Variants in CD109 observed in about 807,000 individuals in gnomAD.
CD109 encodes the protein CD109 molecule.
In CD109, 149 loss-of-function variants were observed where a neutral mutation model predicts 165.8. The ratio of observed to expected loss-of-function variants is 0.90; its 90% confidence interval spans 0.79 to 1.03. The LOEUF (loss-of-function observed/expected upper bound fraction) is 1.03. Ranked by LOEUF, CD109 falls within the 50% of genes least tolerant of loss-of-function variation. The pLI, the probability that CD109 is intolerant of heterozygous loss-of-function variation, is 0.00. For missense variants in CD109, 1,712 were observed against 1,677.8 expected (o/e 1.02, Z -0.36); for synonymous variants, 585 against 592.1 (o/e 0.99, Z 0.18).
rs192407013 is a variant in CD109 at position 73,805,752 on chromosome 6, G to C, written c.2961-1092G>C. ...TTAGGGAGTGGTGATGACTCTTAAC[G>C]AGCATGCTGCCTTCAAGCATCTGTT... On this transcript the variant is annotated intron_variant, in intron 24 of 32. Transcript: ENST00000287097. 5.6e-4 allele frequency among the ~76,000 whole-genome samples: 85 copies of C among 152,242 alleles called. 1 individual carries two copies. Among genetic ancestry groups the C allele is most frequent in the African/African-American group, 2.0e-3 (82 of 41,556 alleles).
rs764473267 is a variant in CD109, at chr6:73,723,244, C to T, written c.248-7C>T. 25 of 1,612,120 alleles carry T rather than the reference C, an allele frequency of 1.6e-5. No individual in the cohort carries two copies. The highest frequency in any genetic ancestry group is 2.0e-5 in the Non-Finnish European group (24 of 1,179,520). ...TAACTCTGTTTTCTTTCCTGTTTTC[C>T]TTGTAGGCTCTTTTAAGACACTTAC... is the stretch of plus-strand genomic sequence containing the variant. On this transcript the variant is annotated splice_polypyrimidine_tract_variant and splice_region_variant and intron_variant, in intron 2 of 32. Coordinates refer to ENST00000287097, the MANE Select transcript of CD109 (RefSeq NM_133493.5).
chr6:73,795,510 C>A (rs548721646), intron 23 of CD109, among the ~76,000 whole-genome samples: 64 of 152,136 alleles, frequency 4.2e-4, no homozygotes, highest in Non-Finnish European at 6.8e-4. Context: ...GGTGGCCAAA[C>A]TGTAGTTTTT....
At chr6:73,693,171 T>G (rs1382790760), upstream of CD109, among the ~76,000 whole-genome samples, 1 of 152,186 alleles carries the variant, frequency 6.6e-6, no homozygotes, top group Non-Finnish European at 1.5e-5. Context: ...AAAGTTTACT[T>G]GGCTTACAAT....
intron 25 of CD109, 33 bp downstream of exon 25, chr6:73,807,105 G>T: frequency 6.5e-7 from 1 of 1,544,566 alleles, no homozygotes; most frequent in Non-Finnish European, 8.9e-7. Flanking sequence ...AATGATAGAT[G>T]GGAAATTCAA....
At chr6:73,695,211 A>G (rs1208999602), upstream of CD109, 1 of 152,224 alleles carries the variant, frequency 6.6e-6, no homozygotes, top group African/African-American at 2.4e-5. Flanking sequence ...CTGTTTTCCA[A>G]CAGTTTCTGG....
intron 4 of CD109, 65 bp downstream of exon 4, chr6:73,730,639 C>A: frequency 9.8e-7 from 1 of 1,015,432 alleles, no homozygotes; most frequent in South Asian, 1.5e-5. Context: ...CTGGGAAGTT[C>A]TGCTTGTGTT....
chr6:73,710,420 C>T (rs1771484188), intron 2 of CD109, among the ~76,000 whole-genome samples: 1 of 152,142 alleles, frequency 6.6e-6, no homozygotes, highest in Admixed American at 6.5e-5. Context: ...GAACTACAAA[C>T]CACTGCTCAA....
chr6:73,730,348 C>T lies in CD109; in HGVS notation c.281C>T (p.Pro94Leu). The T allele has an allele frequency of 6.2e-7, 1 of 1,605,976 alleles. No homozygotes were observed. The change falls in exon 4 of 33, where the codon CCT becomes CTT. Residue 94 changes from proline to leucine, a missense_variant. Transcript: ENST00000287097. ...SFKTLTLPSL[P>L]LNSADEIYEL... ...GTGATCTCTTTTTCCCCCCAGCTAC[C>T]TCTGAACAGTGCAGATGAGATTTAT...
chr6:73,735,998 G>C (rs1772527476), intron 4 of CD109, among the ~76,000 whole-genome samples: 1 of 152,058 alleles, frequency 6.6e-6, no homozygotes, highest in Admixed American at 6.6e-5. Flanking sequence ...AAGGAAATAG[G>C]GTGCCAGGAA....
intron 2 of CD109, among the ~76,000 whole-genome samples, chr6:73,703,183 T>A (rs577253028): frequency 5.8e-4 from 88 of 152,368 alleles, no homozygotes; most frequent in Non-Finnish European, 9.8e-4. Flanking sequence ...CCAGAGACCA[T>A]AAGGTTTTCT....
At chr6:73,806,767 G>A in intron 24 of CD109, 77 bp from the exon 25 acceptor site, 1 of 958,120 alleles carries the variant, frequency 1.0e-6, no homozygotes. Context: ...AAAAAGTGTT[G>A]TTGTTTTGCT....
At chr6:73,806,755 G>C (rs1364553647) in intron 24 of CD109, 89 bp from the exon 25 acceptor site, 1 of 853,294 alleles carries the variant, frequency 1.2e-6, no homozygotes, top group African/African-American at 1.7e-5. Context: ...TTCTGATGGG[G>C]GAAAAAGTGT....
chr6:73,685,042 G>A, the CD109 span, among the ~76,000 whole-genome samples: 1 of 150,988 alleles, frequency 6.6e-6, no homozygotes, highest in African/African-American at 2.4e-5. Context: ...TCAGCCTCCC[G>A]AGTAGCTGGG....
Position 73,699,338 on chromosome 6 carries a change from C to T in CD109, c.247+1766C>T, listed in dbSNP as rs376837369. On this transcript the variant is annotated intron_variant, in intron 2 of 32. Transcript: ENST00000287097. ...ATTTTACCTATATAACAAACCTGCA[C>T]GTGTATCCCTGAAACTAAAATAAAA... 1.3e-4 allele frequency among the ~76,000 whole-genome samples: 19 copies of T among 151,860 alleles called. No individual in the cohort carries two copies. In the South Asian group the frequency reaches 1.3e-3, roughly 10 times the overall value.
At chr6:73,812,489 G>C (rs59317828) in intron 29 of CD109, among the ~76,000 whole-genome samples, 3,587 of 152,126 alleles carry the variant, frequency 0.024, 154 homozygotes, top group African/African-American at 0.081. Flanking sequence ...TGTTTGAAAA[G>C]TATTTCTTGG....
Position 73,696,312 on chromosome 6 carries a change from G to A in CD109, c.74+23G>A, listed in dbSNP as rs993256040. On this transcript the variant is annotated intron_variant, in intron 1 of 32. Coordinates refer to ENST00000287097, the MANE Select transcript of CD109 (RefSeq NM_133493.5). ...CGGGTAGGAACGTGGGCGCGCGGGG[G>A]GCGCGCGGGCGCGCGGGCCTGGGCC... 53 of 1,384,606 alleles carry A rather than the reference G, an allele frequency of 3.8e-5. No individual in the cohort carries two copies. The African/African-American group carries it at 6.8e-4, about 18-fold the overall frequency. 85.8% of individuals were successfully genotyped at this position (1,384,606 alleles called of 1,614,324 possible).
Position 73,820,376 on chromosome 6 carries a change from A to T in CD109, c.4060-85A>T, listed in dbSNP as rs971956707. ...CCCTAAGTGTTAGTCTCTGTTTCCT[A>T]AAATGATGAGAAAAAAGAAATGTCT... On this transcript the variant is annotated intron_variant, in intron 31 of 32. Transcript: ENST00000287097. 10 of 692,556 alleles carry T rather than the reference A, an allele frequency of 1.4e-5. No homozygotes were observed. In the Admixed American group the frequency reaches 2.9e-4, roughly 20 times the overall value. The allele number at this position is 692,556 out of a possible 1,614,324, so 42.9% of individuals were successfully genotyped here.
intron 2 of CD109, among the ~76,000 whole-genome samples, chr6:73,699,690 A>G (rs1770990317): frequency 6.6e-6 from 1 of 152,206 alleles, no homozygotes; most frequent in Non-Finnish European, 1.5e-5. Flanking sequence ...GGGGCGGGCA[A>G]AGCTGTCCTG....
intron 32 of CD109, among the ~76,000 whole-genome samples, chr6:73,821,487 G>A (rs1466685194): frequency 3.9e-5 from 6 of 152,128 alleles, no homozygotes. Flanking sequence ...CCCATCAACT[G>A]TGAATTGGAT....
Sources: gnomAD v4.1 joint callset for allele counts (sites outside exome capture counted in the v4.1 genomes callset) on GRCh38, gnomAD v4.1.1 for gene constraint, MANE v1.5 for transcripts, NCBI Gene and HGNC (gene_info 2026-07-23, HGNC 2026-07-21) for gene names.